Variants in TRIM64C observed in about 807,000 individuals in gnomAD.
TRIM64C encodes the protein tripartite motif containing 64C.
TRIM64C carries 25 observed loss-of-function variants against 36.1 expected under a neutral mutation model. The observed-to-expected ratio is 0.69, with a 90% CI of 0.51 to 0.97. The LOEUF is 0.97. TRIM64C is among the 50% of genes least tolerant of loss of function. The pLI is 0.00. For missense variants in TRIM64C, 489 were observed against 536.8 expected (o/e 0.91, Z 0.88); for synonymous variants, 212 against 185.7 (o/e 1.14, Z -1.15).
intron 4 of TRIM64C, 106 bp downstream of exon 4, chr11:49,056,253 A>T: frequency 1.2e-6 from 1 of 854,566 alleles, no homozygotes; most frequent in Non-Finnish European, 1.8e-6. Context: ...AAACAAAATC[A>T]GAAATAGCCA....
chr11:49,054,088 T>G lies in TRIM64C; in HGVS notation c.979A>C (p.Ser327Arg). The change falls in exon 6 of 6, where the codon AGC (serine) becomes CGC (arginine). Residue 327 changes from serine to arginine, a missense_variant. Physicochemically the swap from Ser to Arg is moderately radical, Grantham distance 110. Transcript: ENST00000617704. ...GCTTGCGCACACCACACAGCAAAGC[T>G]CTCCACTCCTTGGGGATCCATGGGT... ...SAPMDPQGVE[S>R]FAVWCAQAFT... 2 of 1,551,558 alleles carry G rather than the reference T, an allele frequency of 1.3e-6. No individual in the cohort carries two copies. Among genetic ancestry groups the G allele is most frequent in the Non-Finnish European group, 1.7e-6 (2 of 1,146,844 alleles).
chr11:49,055,419 A>AAG lies in TRIM64C; in HGVS notation c.762-13_762-12insCT, dbSNP rs1187054787. 3.3e-6 allele frequency: 5 copies of AAG among 1,535,558 alleles called. No homozygotes were observed. Among genetic ancestry groups the AAG allele is most frequent in the Non-Finnish European group, 4.4e-6 (5 of 1,146,714 alleles). ...GTGCCAAATCAGTTCTGCAAAAAAA[A>AAG]AATGGCCTCAGTTATATTTCCAGGA... On this transcript the variant is annotated splice_polypyrimidine_tract_variant and intron_variant, in intron 4 of 5. Transcript: ENST00000617704.
chr11:49,053,751 G>T lies in TRIM64C; in HGVS notation c.1316C>A (p.Ser439Tyr), dbSNP rs544062375. Residue 439 changes from serine (S) to tyrosine (Y), a missense_variant, in exon 6 of 6, where the codon TCC (serine) becomes TAC (tyrosine). Transcript: ENST00000617704. Reference protein sequence around the residue: ...IYGFPPSSFSSPLRPFFCFGC... With the variant: ...IYGFPPSSFSYPLRPFFCFGC... ...AAAGCAAAAGAAAGGCCTCAGAGGG[G>T]AAGAGAAGGAGGAAGGAGGAAAACC... The T allele has an allele frequency of 1.3e-4, 203 of 1,550,476 alleles. No individual in the cohort carries two copies. The highest frequency in any genetic ancestry group is 1.7e-4 in the Non-Finnish European group (192 of 1,146,802).
At chr11:49,056,485 T>A (rs1854815573) in intron 3 of TRIM64C, 104 bp from the exon 4 acceptor site, 3 of 933,390 alleles carry the variant, frequency 3.2e-6, no homozygotes, top group Non-Finnish European at 3.3e-6. Context: ...ATAATGTATA[T>A]CTTTTTATTC....
At chr11:49,056,306 T>A (rs1854813174) in intron 4 of TRIM64C, 53 bp downstream of exon 4, 4 of 1,418,650 alleles carry the variant, frequency 2.8e-6, no homozygotes, top group Non-Finnish European at 3.9e-6. Context: ...ATCCCCTTCA[T>A]TCACAAGAGA....
chr11:49,054,850 T>C (rs1191153710), intron 5 of TRIM64C, among the ~76,000 whole-genome samples: 1 of 152,232 alleles, frequency 6.6e-6, no homozygotes, highest in Non-Finnish European at 1.5e-5. Context: ...GTCCTCATTA[T>C]GGATATTTTA....
chr11:49,055,204 A>T, intron 5 of TRIM64C, 106 bp downstream of exon 5: 1 of 1,396,926 alleles, frequency 7.2e-7, no homozygotes. Flanking sequence ...AAAACTATGT[A>T]TTACCTACAT....
rs1405266501 is a variant in TRIM64C at position 49,053,825 on chromosome 11, A to G, written c.1242T>C (p.Asp414=). 8 of 1,551,742 alleles carry G rather than the reference A, an allele frequency of 5.2e-6. No individual in the cohort carries two copies. Among genetic ancestry groups the G allele is most frequent in the Non-Finnish European group, 7.0e-6 (8 of 1,146,872 alleles). ...CATCAAAAAAACTCACAGATCCATT[A>G]TCATAATCCAGAAACACCCCAACCC... The part of the protein sequence containing the change: ...LGWVGVFLDY[D]NGSVSFFDVS... The change falls in exon 6 of 6, where the codon GAT becomes GAC. Residue 414 remains aspartate (D), a synonymous_variant. Coordinates refer to ENST00000617704, the MANE Select transcript of TRIM64C (RefSeq NM_001206631.1).
At position 49,058,128 on chromosome 11, in the gene TRIM64C, CTTGA is replaced by C. The variant is rs1316268972; in HGVS notation, c.453_456del (p.Asn151LysfsTer7). On this transcript the variant is annotated frameshift_variant, in exon 2 of 6. Coordinates refer to ENST00000617704, the MANE Select transcript of TRIM64C (RefSeq NM_001206631.1). LOFTEE classifies it high-confidence loss of function. ...TCCTGATTTAGATTGTTTTGTGTCT[CTTGA>C]TTGATTTTCCATAAATAGTCCATTT... is the stretch of plus-strand genomic sequence containing the variant. 5 of 1,529,304 alleles carry C rather than the reference CTTGA, an allele frequency of 3.3e-6. 1 individual carries two copies. The African/African-American group carries it at 6.9e-5, about 21-fold the overall frequency. The allele number at this position is 1,529,304 out of a possible 1,614,324, so 94.7% of individuals were successfully genotyped here.
Position 49,056,345 on chromosome 11 carries a change from T to A in TRIM64C, c.761+14A>T. The A allele has an allele frequency of 6.6e-7, 1 of 1,511,408 alleles. No individual in the cohort carries two copies. Among genetic ancestry groups the A allele is most frequent in the Non-Finnish European group, 8.9e-7 (1 of 1,117,984 alleles). The allele number at this position is 1,511,408 out of a possible 1,614,324, so 93.6% of individuals were successfully genotyped here. A position where few individuals can be genotyped will look rare whatever the true frequency, so the allele number is the denominator to read the frequency against. On this transcript the variant is annotated intron_variant, in intron 4 of 5. Transcript: ENST00000617704. ...AATTTTTCAGAAATAGCATTTTTTT[T>A]AGTGTAAACTCACCTTGCCGATATA...
chr11:49,057,359 T>C lies in TRIM64C; in HGVS notation c.527A>G (p.Lys176Arg). 1.3e-6 allele frequency: 2 copies of C among 1,549,800 alleles called. No homozygotes were observed. Among genetic ancestry groups the C allele is most frequent in the South Asian group, 2.4e-5 (2 of 83,960 alleles). ...CSLVDYVSLR[K>R]VIITIQYQKM... is the part of the protein sequence containing the mutation. The stretch of plus-strand genomic sequence containing the variant: ...TTGATACTGAATAGTGATTATCACC[T>C]TCCTTAATGACACATAGTCCTGCAG... The change falls in exon 3 of 6, where the codon AAG (lysine) becomes AGG (arginine). Residue 176 changes from lysine (K) to arginine (R), a missense_variant. Physicochemically the swap from Lys to Arg is conservative, Grantham distance 26 (BLOSUM62 2). Transcript: ENST00000617704.
chr11:49,058,202 G>A (rs1424977436), intron 1 of TRIM64C, 30 bp from the exon 2 acceptor site: 3 of 1,359,314 alleles, frequency 2.2e-6, no homozygotes, highest in Non-Finnish European at 3.0e-6. Flanking sequence ...GCTTAGCAAT[G>A]ATGAAGACAG....
chr11:49,056,446 C>A (rs1854815262), intron 3 of TRIM64C, 65 bp from the exon 4 acceptor site: 5 of 1,289,194 alleles, frequency 3.9e-6, no homozygotes, highest in Non-Finnish European at 5.5e-6. Flanking sequence ...TTTTCTCATA[C>A]TCTTGTTTCT....
In TRIM64C at chr11:49,057,366, A is replaced by T; in HGVS notation, c.520T>A (p.Leu174Ile). The change falls in exon 3 of 6, where the codon TTA becomes ATA. Residue 174 changes from leucine (L) to isoleucine (I), a missense_variant. Physicochemically the swap from Leu to Ile is conservative, Grantham distance 5 (BLOSUM62 2). Transcript: ENST00000617704. ...TGAATAGTGATTATCACCTTCCTTA[A>T]TGACACATAGTCCTGCAGAGACGTT... Reference protein sequence around the residue: ...KFCSLVDYVSLRKVIITIQYQ... With the variant: ...KFCSLVDYVSIRKVIITIQYQ... 1 of 1,549,696 alleles carries T rather than the reference A, an allele frequency of 6.5e-7. No individual in the cohort carries two copies. The highest frequency in any genetic ancestry group is 8.7e-7 in the Non-Finnish European group (1 of 1,146,932).
In TRIM64C at chr11:49,055,342, G is replaced by C; in HGVS notation, c.827C>G (p.Thr276Ser). 1 of 1,535,774 alleles carries C rather than the reference G, an allele frequency of 6.5e-7. No individual in the cohort carries two copies. Among genetic ancestry groups the C allele is most frequent in the South Asian group, 1.2e-5 (1 of 84,052 alleles). ...GTTGTTGAGCATGTCTAGGACTCCA[G>C]TTATGCACCATGAAGTGAGCTCTGG... ...VNPELTSWCI[T>S]GVLDMLNNFR... is the part of the protein sequence containing the mutation. Residue 276 changes from threonine to serine, a missense_variant, in exon 5 of 6, where the codon ACT (threonine) becomes AGT (serine). Thr to Ser is a moderately conservative substitution (Grantham distance 58). Coordinates refer to ENST00000617704, the MANE Select transcript of TRIM64C (RefSeq NM_001206631.1).
chr11:49,055,695 T>C (rs189646605), intron 4 of TRIM64C, among the ~76,000 whole-genome samples: 80 of 152,224 alleles, frequency 5.3e-4, no homozygotes, highest in South Asian at 3.7e-3. Flanking sequence ...CCCCTGAGGG[T>C]ATGCAGAAAT....
chr11:49,057,413 C>T, intron 2 of TRIM64C, 35 bp from the exon 3 acceptor site: 13 of 1,542,056 alleles, frequency 8.4e-6, no homozygotes, highest in Non-Finnish European at 1.1e-5. Flanking sequence ...ATTACATGTT[C>T]TCACTCTCAA....
chr11:49,057,792 A>T (rs1854830916), intron 2 of TRIM64C: 2 of 511,792 alleles, frequency 3.9e-6, no homozygotes, highest in East Asian at 1.0e-4. Context: ...CCTGACACCC[A>T]GTCTTAGTGA....
At chr11:49,054,960 C>A (rs1854795439) in intron 5 of TRIM64C, among the ~76,000 whole-genome samples, 3 of 152,198 alleles carry the variant, frequency 2.0e-5, no homozygotes, top group African/African-American at 4.8e-5. Flanking sequence ...AATTAAAAAC[C>A]ATTATGCCAA....
Sources: gnomAD v4.1 joint callset for allele counts (sites outside exome capture counted in the v4.1 genomes callset) on GRCh38, gnomAD v4.1.1 for gene constraint, MANE v1.5 for transcripts, NCBI Gene and HGNC (gene_info 2026-07-23, HGNC 2026-07-21) for gene names.